Variants in SEPTIN10 observed in about 807,000 individuals in gnomAD.
SEPTIN10 encodes septin-10.
In SEPTIN10, 66 loss-of-function variants were observed where a neutral mutation model predicts 54.8. The observed-to-expected ratio is 1.21, with a 90% confidence interval of 0.99 to 1.48. The LOEUF is 1.48. Among genes scored for constraint, SEPTIN10 ranks in the 40% most tolerant of loss-of-function variants. The pLI, the probability that SEPTIN10 is intolerant of heterozygous loss-of-function variation, is 0.00. For missense variants in SEPTIN10, 620 were observed against 545.6 expected (o/e 1.14, Z -1.36); for synonymous variants, 161 against 181.0 (o/e 0.89, Z 0.89).
At chr2:109,549,948 G>A (rs1682453023) in intron 9 of SEPTIN10, among the ~76,000 whole-genome samples, 1 of 152,290 alleles carries the variant, frequency 6.6e-6, no homozygotes, top group South Asian at 2.1e-4. Context: ...TGAGTGTAAA[G>A]GGGGACTACT....
At chr2:109,559,465 G>A (rs564715938) in intron 8 of SEPTIN10, among the ~76,000 whole-genome samples, 1 of 152,168 alleles carries the variant, frequency 6.6e-6, no homozygotes, top group Non-Finnish European at 1.5e-5. Context: ...CCTGACCTAA[G>A]CTGAAGAATC....
At chr2:109,568,798 T>C (rs1687671496) in intron 5 of SEPTIN10, among the ~76,000 whole-genome samples, 1 of 152,154 alleles carries the variant, frequency 6.6e-6, no homozygotes, top group Non-Finnish European at 1.5e-5. Flanking sequence ...ACTGACTCCA[T>C]GCCTACCTGT....
rs78149012 is a variant in SEPTIN10, at chr2:109,564,140, T to C, written c.1028+226A>G. 23,709 of 390,154 alleles carry C rather than the reference T, an allele frequency of 0.061. 1,620 individuals are homozygous for C. Among genetic ancestry groups the C allele is most frequent in the Admixed American group, 0.23 (5,046 of 22,372 alleles). The allele number at this position is 390,154 out of a possible 1,614,324, so 24.2% of individuals were successfully genotyped here. Reference sequence around the variant, plus strand: ...GGCCTCTGCCATACATTCTTCATCATATTTAACTCTTTTTGAGTCAGACAA... The same window carrying C: ...GGCCTCTGCCATACATTCTTCATCACATTTAACTCTTTTTGAGTCAGACAA... On this transcript the variant is annotated intron_variant, in intron 8 of 10. Coordinates refer to ENST00000397712, the MANE Select transcript of SEPTIN10 (RefSeq NM_144710.5).
intron 8 of SEPTIN10, 40 bp from the exon 9 acceptor site, chr2:109,553,259 T>A: frequency 6.2e-7 from 1 of 1,609,162 alleles, no homozygotes; most frequent in Non-Finnish European, 8.5e-7. Flanking sequence ...TAAAAAGTGA[T>A]ATAGGTCGGG....
intron 8 of SEPTIN10, among the ~76,000 whole-genome samples, chr2:109,558,148 A>T (rs1644088327): frequency 6.6e-6 from 1 of 152,208 alleles, no homozygotes; most frequent in Non-Finnish European, 1.5e-5. Flanking sequence ...ACTGATTTAA[A>T]GTTGAAAACT....
intron 5 of SEPTIN10, among the ~76,000 whole-genome samples, chr2:109,569,716 A>C (rs936034273): frequency 1.3e-5 from 2 of 152,212 alleles, no homozygotes; most frequent in Non-Finnish European, 2.9e-5. Context: ...AATTATGCCA[A>C]GTTAATAACT....
Position 109,573,655 on chromosome 2 carries a change from T to C in SEPTIN10, c.600+926A>G, listed in dbSNP as rs530786434. 3.3e-5 allele frequency among the ~76,000 whole-genome samples: 5 copies of C among 152,348 alleles called. 1 individual carries two copies. In the South Asian group the frequency reaches 8.3e-4, roughly 25 times the overall value. On this transcript the variant is annotated intron_variant, in intron 5 of 10. Transcript: ENST00000397712. ...AACCTTGGATTTTTAATTCAACTTA[T>C]ACAGTTAGTAACCAGGATCATGAAA... is the stretch of plus-strand genomic sequence containing the variant.
chr2:109,584,258 C>A (rs1237710685), intron 4 of SEPTIN10, among the ~76,000 whole-genome samples: 1 of 151,964 alleles, frequency 6.6e-6, no homozygotes. Flanking sequence ...GGGTAGATCA[C>A]CTGAGGTCAG....
At chr2:109,563,260 T>C (rs936124521) in intron 8 of SEPTIN10, among the ~76,000 whole-genome samples, 2 of 152,092 alleles carry the variant, frequency 1.3e-5, no homozygotes, top group African/African-American at 4.8e-5. Flanking sequence ...AGTGAAAACA[T>C]TAATTAACTC....
At chr2:109,558,194 G>A (rs923565174) in intron 8 of SEPTIN10, among the ~76,000 whole-genome samples, 2 of 152,200 alleles carry the variant, frequency 1.3e-5, no homozygotes, top group Non-Finnish European at 2.9e-5. Flanking sequence ...AGATGCTCAT[G>A]TCATCAAGAA....
chr2:109,583,505 T>C (rs1244068364), intron 4 of SEPTIN10, among the ~76,000 whole-genome samples: 1 of 152,168 alleles, frequency 6.6e-6, no homozygotes, highest in Non-Finnish European at 1.5e-5. Flanking sequence ...CTGGCGGGGC[T>C]GTAGAGAAAA....
At position 109,553,113 on chromosome 2, in the gene SEPTIN10, C is replaced by T. The variant is rs748774969; in HGVS notation, c.1135G>A (p.Ala379Thr). 1 of 1,613,208 alleles carries T rather than the reference C, an allele frequency of 6.2e-7. No individual in the cohort carries two copies. The highest frequency in any genetic ancestry group is 8.5e-7 in the Non-Finnish European group (1 of 1,180,020). The change falls in exon 9 of 11, where the codon GCC becomes ACC. Residue 379 changes from alanine to threonine, a missense_variant. Coordinates refer to ENST00000397712, the MANE Select transcript of SEPTIN10 (RefSeq NM_144710.5). ...MFVQRVKEKEAILKEAERELQ... is the reference protein window; with the variant it reads ...MFVQRVKEKETILKEAERELQ... ...TCTCTCTCAGCTTCTTTCAATATGGCTTCTTTCTCCTTTACTCGCTGCACA... is the reference window on the plus strand; with the variant it reads ...TCTCTCTCAGCTTCTTTCAATATGGTTTCTTTCTCCTTTACTCGCTGCACA...
At chr2:109,552,698 G>T in intron 9 of SEPTIN10, 1 of 183,180 alleles carries the variant, frequency 5.5e-6, no homozygotes, top group Non-Finnish European at 1.1e-5. Flanking sequence ...TCTTCTTTTA[G>T]CCTTGGCACT....
chr2:109,545,998 C>G, intron 10 of SEPTIN10, 52 bp downstream of exon 10: 1 of 1,519,272 alleles, frequency 6.6e-7, no homozygotes, highest in Non-Finnish European at 8.8e-7. Context: ...TCCGACAGGG[C>G]AATGTGACAA....
intron 9 of SEPTIN10, among the ~76,000 whole-genome samples, chr2:109,551,320 A>G (rs1471269125): frequency 6.6e-6 from 1 of 152,260 alleles, no homozygotes; most frequent in East Asian, 1.9e-4. Flanking sequence ...GTCCTTTAAT[A>G]TAGAATTAAA....
chr2:109,588,109 C>CA (rs565937777), intron 2 of SEPTIN10, among the ~76,000 whole-genome samples: 53 of 142,766 alleles, frequency 3.7e-4, no homozygotes, highest in South Asian at 9.0e-4. Flanking sequence ...TGCCCCCCGC[C>CA]AAAAAAAAAA....
intron 5 of SEPTIN10, among the ~76,000 whole-genome samples, chr2:109,570,877 A>C (rs1218320203): frequency 6.6e-6 from 1 of 152,176 alleles, no homozygotes; most frequent in African/African-American, 2.4e-5. Context: ...ATGCAAGGAT[A>C]CAAGTAGGTT....
chr2:109,584,474 C>CAAAA (rs71958517), intron 4 of SEPTIN10, among the ~76,000 whole-genome samples: 45 of 71,884 alleles, frequency 6.3e-4, no homozygotes, highest in African/African-American at 1.5e-3. Flanking sequence ...GACTCTGTCT[C>CAAAA]AAAAAAAAAA....
chr2:109,597,731 A>C (rs1695616253), intron 1 of SEPTIN10, among the ~76,000 whole-genome samples: 1 of 152,204 alleles, frequency 6.6e-6, no homozygotes. Context: ...ATACTTTTTA[A>C]AAAGTTGTAT....
Sources: gnomAD v4.1 joint callset for allele counts (sites outside exome capture counted in the v4.1 genomes callset) on GRCh38, gnomAD v4.1.1 for gene constraint, MANE v1.5 for transcripts, NCBI Gene and HGNC (gene_info 2026-07-23, HGNC 2026-07-21) for gene names.